The following KCNIP4 variants were observed in gnomAD, a reference collection of about 807,000 sequenced individuals.
The protein encoded by KCNIP4 is Kv channel-interacting protein 4.
KCNIP4 carries 12 observed loss-of-function variants against 34.0 expected under a neutral mutation model. The ratio of observed to expected loss-of-function variants is 0.35; its 90% CI spans 0.23 to 0.57. The LOEUF is 0.57. Among genes scored for constraint, KCNIP4 ranks in the 20% least tolerant of loss-of-function variants. The pLI is 0.83. For missense variants in KCNIP4, 238 were observed against 311.7 expected (o/e 0.76, Z 1.78); for synonymous variants, 124 against 102.2 (o/e 1.21, Z -1.29).
chr4:21,378,735 G>A (rs887554844), intron 1 of KCNIP4, among the ~76,000 whole-genome samples: 1 of 151,874 alleles, frequency 6.6e-6, no homozygotes, highest in African/African-American at 2.4e-5. Flanking sequence ...ATTTATGTGT[G>A]CATTTATATA....
intron 1 of KCNIP4, among the ~76,000 whole-genome samples, chr4:21,860,672 A>G (rs775048810): frequency 0.014 from 2,168 of 152,254 alleles, 24 homozygotes; most frequent in South Asian, 0.04. Flanking sequence ...TACTAAAAAA[A>G]AAAAATCAGA....
chr4:21,736,410 T>C (rs1478533104), intron 1 of KCNIP4, among the ~76,000 whole-genome samples: 1 of 152,182 alleles, frequency 6.6e-6, no homozygotes, highest in Admixed American at 6.5e-5. Context: ...CTTTAAAATA[T>C]CCTCGTGACA....
chr4:21,063,450 T>C (rs1312122371), intron 1 of KCNIP4, among the ~76,000 whole-genome samples: 1 of 152,184 alleles, frequency 6.6e-6, no homozygotes, highest in East Asian at 1.9e-4. Context: ...AATTCACTGA[T>C]ATACCCACTA....
intron 1 of KCNIP4, among the ~76,000 whole-genome samples, chr4:21,647,600 C>CA (rs1747119740): frequency 6.6e-6 from 1 of 152,062 alleles, no homozygotes; most frequent in Admixed American, 6.6e-5. Context: ...TCACACATCA[C>CA]AAAAAAGAAC....
intron 1 of KCNIP4, among the ~76,000 whole-genome samples, chr4:21,438,900 C>T (rs547969261): frequency 2.0e-5 from 3 of 152,090 alleles, no homozygotes; most frequent in Non-Finnish European, 4.4e-5. Flanking sequence ...TGGTGGCTCA[C>T]GCCTGTAATC....
At chr4:21,303,939 T>C (rs890859568) in intron 1 of KCNIP4, 3 of 1,611,544 alleles carry the variant, frequency 1.9e-6, no homozygotes, top group African/African-American at 1.3e-5. Flanking sequence ...CCACAGCCAC[T>C]GAGAAGTGCT....
At chr4:21,121,330 G>A (rs537070742) in intron 1 of KCNIP4, among the ~76,000 whole-genome samples, 242 of 152,276 alleles carry the variant, frequency 1.6e-3, no homozygotes, top group African/African-American at 5.7e-3. Flanking sequence ...TTTTTCATAT[G>A]TATTAAATCC....
rs184971403 is a variant in KCNIP4 at position 21,856,440 on chromosome 4, C to T, written c.61+92131G>A. Among the ~76,000 whole-genome samples, 1,339 of 152,288 alleles carry T rather than the reference C, an allele frequency of 8.8e-3. 15 individuals are homozygous for T. Among genetic ancestry groups the T allele is most frequent in the South Asian group, 0.031 (149 of 4,828 alleles). ...TCTGGAGTGGCTGCTGCCATGATGCCGCATGCGGCGGGAGAGGACTGGCCG... is the reference window on the plus strand; with the variant it reads ...TCTGGAGTGGCTGCTGCCATGATGCTGCATGCGGCGGGAGAGGACTGGCCG... On this transcript the variant is annotated intron_variant, in intron 1 of 8. Transcript: ENST00000382152.
At chr4:21,892,745 G>A (rs1423625306) in intron 1 of KCNIP4, among the ~76,000 whole-genome samples, 2 of 152,002 alleles carry the variant, frequency 1.3e-5, no homozygotes, top group African/African-American at 4.8e-5. Flanking sequence ...ATAAAGTTCT[G>A]TACAACTGTT....
At chr4:20,990,688 C>T (rs1022764999) in intron 1 of KCNIP4, among the ~76,000 whole-genome samples, 1 of 152,178 alleles carries the variant, frequency 6.6e-6, no homozygotes, top group African/African-American at 2.4e-5. Flanking sequence ...GGATTTATGA[C>T]ATTTTTGCCA....
At chr4:21,019,156 T>TTTG (rs941269141) in intron 1 of KCNIP4, among the ~76,000 whole-genome samples, 5 of 152,204 alleles carry the variant, frequency 3.3e-5, no homozygotes, top group Middle Eastern at 3.4e-3. Flanking sequence ...TCTATTCTTT[T>TTTG]TTGTTGTTGT....
intron 1 of KCNIP4, among the ~76,000 whole-genome samples, chr4:21,624,178 T>C (rs1467760178): frequency 6.6e-6 from 1 of 152,104 alleles, no homozygotes; most frequent in Non-Finnish European, 1.5e-5. Context: ...AACAGTGAAT[T>C]TGGGCAAGTG....
intron 1 of KCNIP4, among the ~76,000 whole-genome samples, chr4:21,802,970 C>A (rs958091732): frequency 2.0e-5 from 3 of 152,082 alleles, no homozygotes; most frequent in African/African-American, 7.2e-5. Flanking sequence ...TGGTATATTT[C>A]AAAATTTCCT....
intron 1 of KCNIP4, among the ~76,000 whole-genome samples, chr4:21,875,462 G>C (rs1472816461): frequency 6.6e-6 from 1 of 152,170 alleles, no homozygotes; most frequent in East Asian, 1.9e-4. Flanking sequence ...CGTTGAAATA[G>C]TCAGTGGTGA....
At position 21,714,800 on chromosome 4, in the gene KCNIP4, T is replaced by C. The variant is rs1348233000; in HGVS notation, c.61+233771A>G. On this transcript the variant is annotated intron_variant, in intron 1 of 8. Coordinates refer to ENST00000382152, the MANE Select transcript of KCNIP4 (RefSeq NM_025221.6). ...ATTTCCCTTTGATTATTTTATTTTA[T>C]TTTATTTTATTTTATTTTATTTTAT... Among the ~76,000 whole-genome samples the C allele has an allele frequency of 0.015, 3 of 200 alleles. No homozygotes were observed. The African/African-American group carries it at 0.19, about 12-fold the overall frequency. 0.1% of individuals were successfully genotyped at this position (200 alleles called of 152,430 possible). A position where few individuals can be genotyped will look rare whatever the true frequency, so the allele number is the denominator to read the frequency against.
intron 1 of KCNIP4, among the ~76,000 whole-genome samples, chr4:21,590,601 G>A (rs1283449577): frequency 6.6e-6 from 1 of 151,816 alleles, no homozygotes; most frequent in African/African-American, 2.4e-5. Context: ...GTTTAGGGAT[G>A]TTTATTTCAG....
intron 1 of KCNIP4, among the ~76,000 whole-genome samples, chr4:21,543,246 C>G (rs533276301): frequency 1.3e-5 from 2 of 152,094 alleles, no homozygotes; most frequent in South Asian, 4.2e-4. Context: ...AAGCAAGAAC[C>G]AGGAAAACTA....
intron 3 of KCNIP4, among the ~76,000 whole-genome samples, chr4:20,830,065 T>C (rs1182890889): frequency 6.6e-6 from 1 of 152,156 alleles, no homozygotes; most frequent in Non-Finnish European, 1.5e-5. Context: ...AGAATGTCAA[T>C]CCATTCTTCT....
chr4:21,122,946 C>G (rs377492051), intron 1 of KCNIP4, among the ~76,000 whole-genome samples: 1 of 152,132 alleles, frequency 6.6e-6, no homozygotes, highest in Non-Finnish European at 1.5e-5. Flanking sequence ...CACGGTGGCT[C>G]ATGCCTGTAA....
Sources: allele counts gnomAD v4.1 joint callset (sites outside exome capture counted in the v4.1 genomes callset), GRCh38; gene constraint gnomAD v4.1.1; transcripts MANE v1.5; gene names NCBI Gene and HGNC (gene_info 2026-07-23, HGNC 2026-07-21).